Variants in FAM114A1 observed in about 807,000 individuals in gnomAD.
FAM114A1 encodes the protein family with sequence similarity 114 member A1, also known as protein NOXP20.
FAM114A1 carries 62 observed loss-of-function variants against 64.3 expected under a neutral mutation model. The observed-to-expected ratio is 0.96, with a 90% CI of 0.79 to 1.19. The LOEUF (loss-of-function observed/expected upper bound fraction) is 1.19, where lower values mean the gene tolerates loss of function less well. Ranked by LOEUF, FAM114A1 falls within the 50% of genes most tolerant of loss-of-function variation. The probability of loss-of-function intolerance (pLI) is 0.00; values close to 1 mark genes in which losing one functional copy is unlikely to be tolerated. For missense variants in FAM114A1, 645 were observed against 676.3 expected (o/e 0.95, Z 0.51); for synonymous variants, 254 against 251.1 (o/e 1.01, Z -0.11).
Position 38,875,376 on chromosome 4 carries a change from G to A in FAM114A1, c.-8-2695G>A, listed in dbSNP as rs148268706. Among the ~76,000 whole-genome samples, 421 of 152,228 alleles carry A rather than the reference G, an allele frequency of 2.8e-3. 8 individuals carry two copies. The East Asian group carries it at 0.05, about 18-fold the overall frequency. ...ATTGTTTTGTAATTCTCATTGTGGAGCTCTTTCATCTCCCTGATTAGCTGT... is the reference window on the plus strand; with the variant it reads ...ATTGTTTTGTAATTCTCATTGTGGAACTCTTTCATCTCCCTGATTAGCTGT... On this transcript the variant is annotated intron_variant, in intron 2 of 14. Coordinates refer to ENST00000358869, the MANE Select transcript of FAM114A1 (RefSeq NM_138389.4).
In FAM114A1 at chr4:38,935,611, G is replaced by A; in HGVS notation, c.1464-107G>A. 7.0e-6 allele frequency: 5 copies of A among 710,622 alleles called. No homozygotes were observed. The South Asian group carries it at 1.1e-4, about 16-fold the overall frequency. 44.0% of individuals were successfully genotyped at this position (710,622 alleles called of 1,614,324 possible). On this transcript the variant is annotated intron_variant, in intron 12 of 14. Coordinates refer to ENST00000358869, the MANE Select transcript of FAM114A1 (RefSeq NM_138389.4). ...CTGTAGAGCATCTTCAAGCATGTGTGGCATTCTTTTAAATGTCATACTGAA... is the reference window on the plus strand; with the variant it reads ...CTGTAGAGCATCTTCAAGCATGTGTAGCATTCTTTTAAATGTCATACTGAA...
intron 4 of FAM114A1, among the ~76,000 whole-genome samples, chr4:38,893,245 A>G (rs1167894763): frequency 1.3e-5 from 2 of 152,268 alleles, no homozygotes; most frequent in East Asian, 3.8e-4. Context: ...TAGAAGTGAC[A>G]TGCTTTCTAA....
intron 9 of FAM114A1, among the ~76,000 whole-genome samples, chr4:38,923,261 G>A (rs1338820145): frequency 7.5e-6 from 1 of 132,964 alleles, no homozygotes; most frequent in Non-Finnish European, 1.5e-5. Context: ...GTCTCGCTCT[G>A]TTGCCAGGCT....
At chr4:38,908,875 C>G in intron 7 of FAM114A1, 149 bp downstream of exon 7, 2 of 792,558 alleles carry the variant, frequency 2.5e-6, no homozygotes, top group South Asian at 2.7e-5. Flanking sequence ...TCTAATACCC[C>G]CATTTCCCCA....
chr4:38,869,036 C>G (rs1176339826), intron 2 of FAM114A1, among the ~76,000 whole-genome samples: 2 of 152,192 alleles, frequency 1.3e-5, no homozygotes, highest in Non-Finnish European at 2.9e-5. Context: ...TAAAAGTAAA[C>G]TTGTCTTTGT....
At chr4:38,901,061 A>T (rs898547815) in intron 4 of FAM114A1, among the ~76,000 whole-genome samples, 6 of 152,226 alleles carry the variant, frequency 3.9e-5, no homozygotes. Context: ...AAAAAGAGAA[A>T]GTTAAAATAA....
At chr4:38,940,745 G>C (rs1721522139) in intron 13 of FAM114A1, among the ~76,000 whole-genome samples, 1 of 152,024 alleles carries the variant, frequency 6.6e-6, no homozygotes, top group Admixed American at 6.6e-5. Context: ...CTTTAAATTG[G>C]GGTTATCATG....
At chr4:38,901,997 G>C (rs1051334703) in intron 4 of FAM114A1, among the ~76,000 whole-genome samples, 1 of 152,156 alleles carries the variant, frequency 6.6e-6, no homozygotes, top group African/African-American at 2.4e-5. Flanking sequence ...TCCAAACCAA[G>C]GATCTGATTT....
Position 38,914,987 on chromosome 4 carries a change from G to A in FAM114A1, c.859G>A (p.Ala287Thr), listed in dbSNP as rs372301008. ...LAQQLTMERTAHYGMLFDEYQ... is the reference protein window; with the variant it reads ...LAQQLTMERTTHYGMLFDEYQ... ...ACAGCAGCTCACGATGGAGAGAACC[G>A]CGCACTACGGGATGCTGTTTGATGA... Residue 287 changes from alanine to threonine, a missense_variant, in exon 8 of 15, where the codon GCG (alanine) becomes ACG (threonine). Physicochemically the swap from Ala to Thr is moderately conservative, Grantham distance 58. Coordinates refer to ENST00000358869, the MANE Select transcript of FAM114A1 (RefSeq NM_138389.4). The A allele has an allele frequency of 4.3e-5, 69 of 1,614,024 alleles. No individual in the cohort carries two copies. The highest frequency in any genetic ancestry group is 3.3e-4 in the Middle Eastern group (2 of 6,084).
Position 38,945,327 on chromosome 4 carries a change from GC to G in FAM114A1, c.*1772del, listed in dbSNP as rs146024101. ...GGGAGGCTGCACAGAAGACCCTGCG[GC>G]CAGGAGGGGCATTGTCAGTGGCTGC... On this transcript the variant is annotated 3_prime_UTR_variant, in exon 15 of 15. Coordinates refer to ENST00000358869, the MANE Select transcript of FAM114A1 (RefSeq NM_138389.4). 0.11 allele frequency: 16,001 copies of G among 152,202 alleles called. 973 individuals carry two copies. The highest frequency in any genetic ancestry group is 0.17 in the Middle Eastern group (51 of 292). 9.4% of individuals were successfully genotyped at this position (152,202 alleles called of 1,614,324 possible).
intron 7 of FAM114A1, among the ~76,000 whole-genome samples, chr4:38,909,227 C>T (rs753377533): frequency 1.3e-5 from 2 of 152,224 alleles, no homozygotes; most frequent in Non-Finnish European, 2.9e-5. Context: ...TCAGCTTACT[C>T]ATCTGTACAC....
At chr4:38,927,894 G>A (rs1720280735) in intron 9 of FAM114A1, among the ~76,000 whole-genome samples, 1 of 152,108 alleles carries the variant, frequency 6.6e-6, no homozygotes, top group Non-Finnish European at 1.5e-5. Flanking sequence ...ATCTTGGCCA[G>A]GCTGGTCTCA....
chr4:38,922,866 G>C lies in FAM114A1; in HGVS notation c.1042G>C (p.Glu348Gln), dbSNP rs762034978. 6 of 1,612,104 alleles carry C rather than the reference G, an allele frequency of 3.7e-6. No individual in the cohort carries two copies. The highest frequency in any genetic ancestry group is 4.2e-6 in the Non-Finnish European group (5 of 1,179,526). The change falls in exon 9 of 15, where the codon GAG becomes CAG. Residue 348 changes from glutamate to glutamine, a missense_variant. Glu to Gln is a conservative substitution (Grantham distance 29). Coordinates refer to ENST00000358869, the MANE Select transcript of FAM114A1 (RefSeq NM_138389.4). Reference protein sequence around the residue: ...IKDIFAAKELENEENQEEQGL... With the variant: ...IKDIFAAKELQNEENQEEQGL... ...AGACATCTTTGCAGCCAAAGAATTA[G>C]AGAATGAAGAAAATCAAGAAGAACA...
intron 4 of FAM114A1, 107 bp from the exon 5 acceptor site, chr4:38,905,415 A>T: frequency 1.2e-6 from 1 of 805,902 alleles, no homozygotes; most frequent in Non-Finnish European, 2.0e-6. Context: ...AAAAAAAAAA[A>T]GAAAGATGTA....
Position 38,945,208 on chromosome 4 carries a change from C to T in FAM114A1, c.*1651C>T, listed in dbSNP as rs895411304. 1.3e-5 allele frequency: 2 copies of T among 152,202 alleles called. No homozygotes were observed. The highest frequency in any genetic ancestry group is 4.8e-5 in the African/African-American group (2 of 41,452). 9.4% of individuals were successfully genotyped at this position (152,202 alleles called of 1,614,324 possible). A position where few individuals can be genotyped will look rare whatever the true frequency, so the allele number is the denominator to read the frequency against. Reference sequence around the variant, plus strand: ...CCAGGACTGCATTTTAAAATCGCCTCACAGATCACACTCGCTGGTGGCAAA... The same window carrying T: ...CCAGGACTGCATTTTAAAATCGCCTTACAGATCACACTCGCTGGTGGCAAA... On this transcript the variant is annotated 3_prime_UTR_variant, in exon 15 of 15. Transcript: ENST00000358869.
chr4:38,903,724 G>T (rs535407602), intron 4 of FAM114A1, among the ~76,000 whole-genome samples: 1 of 152,004 alleles, frequency 6.6e-6, no homozygotes, highest in African/African-American at 2.4e-5. Flanking sequence ...CTTAACAGTC[G>T]CAATACACCT....
chr4:38,881,727 G>A (rs901649834), intron 3 of FAM114A1, among the ~76,000 whole-genome samples: 3 of 152,150 alleles, frequency 2.0e-5, no homozygotes, highest in African/African-American at 7.2e-5. Flanking sequence ...TCAATTTTAT[G>A]CCTAGTCTTT....
chr4:38,923,285 G>A (rs1465408423), intron 9 of FAM114A1, among the ~76,000 whole-genome samples: 4 of 146,728 alleles, frequency 2.7e-5, no homozygotes, highest in East Asian at 2.0e-4. Context: ...GTGCAGTGGC[G>A]TGATATCGGC....
intron 10 of FAM114A1, 76 bp downstream of exon 10, chr4:38,929,409 A>G: frequency 8.9e-7 from 1 of 1,118,332 alleles, no homozygotes; most frequent in Non-Finnish European, 1.3e-6. Context: ...AAAGTTCCAG[A>G]GATGCACCTG....
Sources: gnomAD v4.1 joint callset for allele counts (sites outside exome capture counted in the v4.1 genomes callset) on GRCh38, gnomAD v4.1.1 for gene constraint, MANE v1.5 for transcripts, NCBI Gene and HGNC (gene_info 2026-07-23, HGNC 2026-07-21) for gene names.